Variants in MYO16 observed in about 807,000 individuals in gnomAD.
MYO16 encodes the protein myosin XVI.
Under a neutral mutation model 205.3 loss-of-function variants are expected in MYO16, and 94 were observed. That is an observed-to-expected ratio of 0.46 (90% CI 0.39 to 0.54). The LOEUF is 0.54. Ranked by LOEUF, MYO16 falls within the 20% of genes least tolerant of loss-of-function variation. The pLI is 0.00. For missense variants in MYO16, 2,315 were observed against 2,387.5 expected, an observed-to-expected ratio of 0.97 and a Z score of 0.63; for synonymous variants, 988 against 954.0, an observed-to-expected ratio of 1.04 and a Z score of -0.66.
chr13:108,637,614 C>T (rs1880315241), intron 1 of MYO16, among the ~76,000 whole-genome samples: 1 of 152,190 alleles, frequency 6.6e-6, no homozygotes, highest in South Asian at 2.1e-4. Context: ...GTGGCTCACG[C>T]TTGTAATCCC....
intron 3 of MYO16, among the ~76,000 whole-genome samples, chr13:108,717,269 G>C (rs111545232): frequency 6.6e-6 from 1 of 152,168 alleles, no homozygotes; most frequent in Non-Finnish European, 1.5e-5. Flanking sequence ...CTCTTTCTTT[G>C]ATCAAGTGAA....
intron 34 of MYO16, among the ~76,000 whole-genome samples, chr13:109,201,812 A>G (rs1347723844): frequency 6.6e-6 from 1 of 152,032 alleles, no homozygotes; most frequent in Non-Finnish European, 1.5e-5. Context: ...TTGCATCCTC[A>G]TAGCTTAGCT....
chr13:108,848,351 A>G (rs886150361), intron 10 of MYO16, among the ~76,000 whole-genome samples: 2 of 152,208 alleles, frequency 1.3e-5, no homozygotes, highest in African/African-American at 4.8e-5. Context: ...ATGCAAAATA[A>G]TGTGTTATGT....
At chr13:108,640,728 T>C (rs73604759) in intron 1 of MYO16, among the ~76,000 whole-genome samples, 10,356 of 152,186 alleles carry the variant, frequency 0.068, 567 homozygotes, top group African/African-American at 0.15. Flanking sequence ...TGGGCCTGGG[T>C]TTTGTTTTTA....
intron 32 of MYO16, among the ~76,000 whole-genome samples, chr13:109,159,482 G>A (rs1878258917): frequency 6.6e-6 from 1 of 152,174 alleles, no homozygotes; most frequent in South Asian, 2.1e-4. Flanking sequence ...CTAATTTATT[G>A]TTCATTCATC....
At chr13:108,686,946 G>A (rs1230825694) in intron 2 of MYO16, among the ~76,000 whole-genome samples, 1 of 152,190 alleles carries the variant, frequency 6.6e-6, no homozygotes, top group Non-Finnish European at 1.5e-5. Context: ...AGGCTTGACA[G>A]GGTCCTGGAA....
chr13:108,888,597 AGAAT>A (rs537289179), intron 14 of MYO16, 120 bp downstream of exon 14: 104 of 514,436 alleles, frequency 2.0e-4, no homozygotes, highest in African/African-American at 1.9e-3. Context: ...GTGGAAATAA[AGAAT>A]AAAAAATTAT....
chr13:108,915,015 T>C (rs947575021), intron 16 of MYO16, among the ~76,000 whole-genome samples: 1 of 152,240 alleles, frequency 6.6e-6, no homozygotes, highest in African/African-American at 2.4e-5. Flanking sequence ...ACTAAAAATG[T>C]TGAAAGTATC....
Position 109,164,974 on chromosome 13 carries a change from C to G in MYO16, c.5238C>G (p.Asp1746Glu). 6.2e-7 allele frequency: 1 copy of G among 1,607,576 alleles called. No homozygotes were observed. The highest frequency in any genetic ancestry group is 8.5e-7 in the Non-Finnish European group (1 of 1,175,718). ...CAGAAATTACTTCCGAGACTCAAGA[C>G]AGAAATGCAAATAACCATGGAATTC... Reference protein sequence around the residue: ...STSEITSETQDRNANNHGIQL... With the variant: ...STSEITSETQERNANNHGIQL... Residue 1746 changes from aspartate (D) to glutamate (E), a missense_variant, in exon 33 of 35, where the codon GAC becomes GAG. Transcript: ENST00000457511.
the MYO16 span, among the ~76,000 whole-genome samples, chr13:108,531,363 T>C: frequency 3.9e-5 from 6 of 152,242 alleles, no homozygotes; most frequent in East Asian, 1.2e-3. Context: ...CAGTGTGCAA[T>C]GAAGATGGTC....
At chr13:108,885,737 G>A (rs1879838385) in intron 13 of MYO16, among the ~76,000 whole-genome samples, 1 of 151,954 alleles carries the variant, frequency 6.6e-6, no homozygotes, top group African/African-American at 2.4e-5. Flanking sequence ...TTAATTCTAG[G>A]ATGATCATTG....
intron 28 of MYO16, 25 bp from the exon 29 acceptor site, chr13:109,120,345 T>C: frequency 1.3e-6 from 2 of 1,520,306 alleles, no homozygotes; most frequent in Non-Finnish European, 1.8e-6. Flanking sequence ...TGCTGTTAAA[T>C]GTTTCCCTGC....
At chr13:109,177,671 C>T (rs1443022469) in intron 33 of MYO16, among the ~76,000 whole-genome samples, 1 of 152,060 alleles carries the variant, frequency 6.6e-6, no homozygotes, top group Non-Finnish European at 1.5e-5. Context: ...GTGTGCACCA[C>T]CGTGCCCGGG....
intron 33 of MYO16, among the ~76,000 whole-genome samples, chr13:109,176,280 C>T (rs1272501234): frequency 3.3e-5 from 1 of 30,056 alleles, no homozygotes; most frequent in African/African-American, 1.4e-4. Context: ...ATTTTTTCTC[C>T]TTTATTTTCT....
rs11839762 is a variant in MYO16 at position 108,665,415 on chromosome 13, T to C, written c.29-471T>C. Among the ~76,000 whole-genome samples, 574 of 152,296 alleles carry C rather than the reference T, an allele frequency of 3.8e-3. 4 individuals carry two copies. Among genetic ancestry groups the C allele is most frequent in the African/African-American group, 0.012 (487 of 41,568 alleles). On this transcript the variant is annotated intron_variant, in intron 1 of 34. Transcript: ENST00000457511. ...GCTTCAGCCATTATACTTGGCAGCA[T>C]ATATATTCTATTACCTTAAATTAAC...
At chr13:109,031,301 A>G (rs993598088) in intron 23 of MYO16, among the ~76,000 whole-genome samples, 21 of 152,122 alleles carry the variant, frequency 1.4e-4, no homozygotes, top group African/African-American at 5.1e-4. Flanking sequence ...CATATTGGCC[A>G]GGTTGGTCTT....
At chr13:108,868,414 G>C (rs1265569107) in intron 12 of MYO16, among the ~76,000 whole-genome samples, 3 of 152,132 alleles carry the variant, frequency 2.0e-5, no homozygotes, top group Admixed American at 6.5e-5. Context: ...TTACTGTACA[G>C]TTATATCCTG....
chr13:109,090,959 T>C (rs1338211408), intron 27 of MYO16, among the ~76,000 whole-genome samples: 1 of 152,170 alleles, frequency 6.6e-6, no homozygotes, highest in African/African-American at 2.4e-5. Flanking sequence ...TTCTCTCTGT[T>C]TTCTTGATGT....
rs1877030419 is a variant in MYO16 at position 109,140,771 on chromosome 13, C to T, written c.4559C>T (p.Thr1520Ile). 2.6e-6 allele frequency: 4 copies of T among 1,562,412 alleles called. No homozygotes were observed. Among genetic ancestry groups the T allele is most frequent in the Non-Finnish European group, 3.5e-6 (4 of 1,156,940 alleles). ...CCGCCCCTGCTGGTGTTCCCCCCGA[C>T]CCCCGTCACCTGCTCCCCCGCCTCC... ...HRPPLLVFPP[T>I]PVTCSPASDE... The change falls in exon 32 of 35, where the codon ACC becomes ATC. Residue 1520 changes from threonine to isoleucine, a missense_variant. Thr to Ile is a moderately conservative substitution (Grantham distance 89). Coordinates refer to ENST00000457511, the MANE Select transcript of MYO16 (RefSeq NM_001198950.3). This position sits in a 1 kb window ranked among gnomAD's most constrained non-coding sequence, Gnocchi z 8.0.
Sources: gnomAD v4.1 joint callset for allele counts (sites outside exome capture counted in the v4.1 genomes callset) on GRCh38, gnomAD v4.1.1 for gene constraint, Gnocchi (gnomAD v3.1) non-coding constraint, MANE v1.5 for transcripts, NCBI Gene and HGNC (gene_info 2026-07-23, HGNC 2026-07-21) for gene names.